The following XG variants were observed in gnomAD, a reference collection of about 807,000 sequenced individuals.
XG encodes glycoprotein Xg.
XG carries 24 observed loss-of-function variants against 25.7 expected under a neutral mutation model. The observed-to-expected ratio is 0.93, with a 90% CI of 0.68 to 1.31. XG has a LOEUF of 1.31. Ranked by LOEUF, XG falls within the 40% of genes most tolerant of loss-of-function variation. The pLI, the probability that XG is intolerant of heterozygous loss-of-function variation, is 0.00. For synonymous variants in XG, 77 were observed against 69.2 expected (o/e 1.11, Z -0.56); for missense variants, 181 against 187.6 (o/e 0.96, Z 0.21).
Position 2,811,399 on chromosome X carries a change from C to T in XG, c.518C>T (p.Ala173Val). ...VSVVVVTLLG[A>V]AASYFKLNNR... ...GTGGTGGTGGTGACACTGCTGGGAG[C>T]AGCAGCCAGTTATTTCAAACTAAAC... Residue 173 changes from alanine (A) to valine (V), a missense_variant, in exon 10 of 11, where the codon GCA becomes GTA. Transcript: ENST00000644266. 8.3e-7 allele frequency: 1 copy of T among 1,206,631 alleles called. No homozygotes were observed.
At chrX:2,761,402 A>C (rs938683043) in intron 1 of XG, among the ~76,000 whole-genome samples, 7 of 150,610 alleles carry the variant, frequency 4.6e-5, no homozygotes, top group African/African-American at 1.7e-4. Context: ...GGAGAATAAA[A>C]GTCTGTGGTT....
intron 1 of XG, among the ~76,000 whole-genome samples, chrX:2,756,794 C>T (rs772453877): frequency 2.0e-5 from 3 of 152,232 alleles, no homozygotes; most frequent in South Asian, 2.1e-4. Flanking sequence ...AACTTGCAGA[C>T]GGGCAGGTGC....
intron 3 of XG, among the ~76,000 whole-genome samples, chrX:2,780,877 G>A (rs1290309554): frequency 6.6e-6 from 1 of 152,128 alleles, no homozygotes; most frequent in Non-Finnish European, 1.5e-5. Context: ...CTTTCCAAAG[G>A]AGGCGATCAG....
intron 1 of XG, among the ~76,000 whole-genome samples, chrX:2,757,984 A>G (rs1243952373): frequency 4.0e-5 from 4 of 99,266 alleles, no homozygotes; most frequent in Admixed American, 9.2e-5. Context: ...AAAAAAAAAA[A>G]AAAAAAAAAA....
intron 9 of XG, among the ~76,000 whole-genome samples, chrX:2,808,952 C>G (rs1406526492): frequency 9.0e-6 from 1 of 111,307 alleles, no homozygotes; most frequent in Non-Finnish European, 1.9e-5. Context: ...AAGTGAGGTC[C>G]AGAGATGGAA....
intron 1 of XG, among the ~76,000 whole-genome samples, chrX:2,758,429 T>C (rs141910075): frequency 1.3e-5 from 2 of 152,294 alleles, no homozygotes; most frequent in South Asian, 2.1e-4. Flanking sequence ...TGTGCTTCTT[T>C]TAAGAGATGA....
chrX:2,795,927 AT>A (rs1569042740), intron 6 of XG, among the ~76,000 whole-genome samples: 1 of 111,008 alleles, frequency 9.0e-6, no homozygotes, highest in Non-Finnish European at 1.9e-5. Context: ...AAGCGTTGGG[AT>A]TACAGGCGTG....
intron 3 of XG, among the ~76,000 whole-genome samples, chrX:2,778,774 ACT>A (rs1556369101): frequency 1.3e-5 from 2 of 148,416 alleles, no homozygotes; most frequent in Admixed American, 6.7e-5. Flanking sequence ...CTCATGCGAT[ACT>A]TTTTTTTTTT....
chrX:2,793,818 G>A (rs748186160), intron 5 of XG, among the ~76,000 whole-genome samples: 1 of 111,689 alleles, frequency 9.0e-6, no homozygotes, highest in Non-Finnish European at 1.9e-5. Flanking sequence ...CTGGGGAATC[G>A]GCCACTGCCA....
chrX:2,782,180 G>C lies in XG; in HGVS notation c.190+52G>C, dbSNP rs762789996. On this transcript the variant is annotated intron_variant, in intron 4 of 10. Transcript: ENST00000644266. ...TTCTCAATCTGGTTTGATGATGTTT[G>C]CCTTTTTATTTACTAGCAGGTTTAG... 3.4e-6 allele frequency: 4 copies of C among 1,175,543 alleles called. No individual in the cohort carries two copies. The South Asian group carries it at 5.4e-5, about 16-fold the overall frequency.
chrX:2,807,657 G>A (rs2087014973), intron 8 of XG, among the ~76,000 whole-genome samples: 2 of 112,785 alleles, frequency 1.8e-5, no homozygotes, highest in South Asian at 3.6e-4. Context: ...GTGTGGATGT[G>A]CACATTGCAT....
At chrX:2,777,168 T>G (rs1427697603) in intron 3 of XG, among the ~76,000 whole-genome samples, 2 of 152,178 alleles carry the variant, frequency 1.3e-5, no homozygotes, top group African/African-American at 4.8e-5. Flanking sequence ...CCGGTAAAAC[T>G]AAGTGATTGT....
At chrX:2,797,758 G>A (rs184756705) in intron 7 of XG, among the ~76,000 whole-genome samples, 9 of 111,539 alleles carry the variant, frequency 8.1e-5, no homozygotes, top group South Asian at 3.8e-4. Flanking sequence ...ATGGCTGGGC[G>A]CGGTGGCTCA....
chrX:2,787,905 CTCA>C (rs2086799829), intron 4 of XG, among the ~76,000 whole-genome samples: 1 of 62,465 alleles, frequency 1.6e-5, no homozygotes, highest in African/African-American at 1.1e-4. Flanking sequence ...AAAACTCCTT[CTCA>C]AAAAAAAAAA....
intron 7 of XG, among the ~76,000 whole-genome samples, chrX:2,805,255 C>T (rs1187616360): frequency 1.8e-5 from 2 of 112,321 alleles, no homozygotes; most frequent in African/African-American, 6.5e-5. Context: ...GAAAATGTTG[C>T]GCTCGTCGTT....
At position 2,760,579 on chromosome X, in the gene XG, CAA is replaced by C. The variant is rs1164434566; in HGVS notation, c.61+8259_61+8260del. Among the ~76,000 whole-genome samples, 80 of 116,878 alleles carry C rather than the reference CAA, an allele frequency of 6.8e-4. 1 individual carries two copies. The highest frequency in any genetic ancestry group is 2.0e-3 in the African/African-American group (69 of 34,254). 76.7% of individuals were successfully genotyped at this position (116,878 alleles called of 152,430 possible). A position where few individuals can be genotyped will look rare whatever the true frequency, so the allele number is the denominator to read the frequency against. On this transcript the variant is annotated intron_variant, in intron 1 of 10. Coordinates refer to ENST00000644266, the MANE Select transcript of XG (RefSeq NM_001141919.2). ...TGAAACCCCATCTCTACTAAAAATA[CAA>C]AAAAAAAAAAAAAATTAGCTGGGCG...
chrX:2,793,901 A>G (rs755351098), intron 5 of XG, among the ~76,000 whole-genome samples: 4 of 111,011 alleles, frequency 3.6e-5, no homozygotes, highest in Non-Finnish European at 7.6e-5. Context: ...TTGATGGGGC[A>G]AGAGGAGCCA....
intron 2 of XG, among the ~76,000 whole-genome samples, chrX:2,773,978 C>T (rs141194853): frequency 0.013 from 1,941 of 152,056 alleles, 22 homozygotes; most frequent in Non-Finnish European, 0.022. Flanking sequence ...CTCCTTCTTG[C>T]AGTCTCTGCA....
chrX:2,792,140 G>A (rs958817380), intron 5 of XG, among the ~76,000 whole-genome samples: 1 of 110,878 alleles, frequency 9.0e-6, no homozygotes, highest in African/African-American at 3.3e-5. Flanking sequence ...AAATTAGCCA[G>A]GCATGGTGGC....
Sources: allele counts gnomAD v4.1 joint callset (sites outside exome capture counted in the v4.1 genomes callset), GRCh38; gene constraint gnomAD v4.1.1; transcripts MANE v1.5; gene names NCBI Gene and HGNC (gene_info 2026-07-23, HGNC 2026-07-21).